PDE1A: variants seen among roughly 807,000 people sequenced by gnomAD.
The protein encoded by PDE1A is dual specificity calcium/calmodulin-dependent 3',5'-cyclic nucleotide phosphodiesterase 1A.
PDE1A carries 35 observed loss-of-function variants against 61.7 expected under a neutral mutation model. The observed-to-expected ratio is 0.57, with a 90% CI of 0.43 to 0.75. The LOEUF is 0.75. PDE1A is among the 30% of genes least tolerant of loss of function. The probability of loss-of-function intolerance (pLI) is 0.00; values close to 1 mark genes in which losing one functional copy is unlikely to be tolerated. For missense variants in PDE1A, 597 were observed against 630.6 expected (o/e 0.95, Z 0.57); for synonymous variants, 232 against 213.2 (o/e 1.09, Z -0.77).
chr2:182,568,098 C>A, the PDE1A span, among the ~76,000 whole-genome samples: 1 of 152,030 alleles, frequency 6.6e-6, no homozygotes, highest in South Asian at 2.1e-4. Flanking sequence ...TGCGCCCGCG[C>A]CCGGCAATGT....
chr2:182,639,355 G>A, the PDE1A span, among the ~76,000 whole-genome samples: 1 of 152,250 alleles, frequency 6.6e-6, no homozygotes, highest in Non-Finnish European at 1.5e-5. Flanking sequence ...ATCTCTTGAA[G>A]CCAGGAGTTC....
At chr2:182,154,555 C>T (rs971304973) in intron 13 of PDE1A, among the ~76,000 whole-genome samples, 1 of 152,068 alleles carries the variant, frequency 6.6e-6, no homozygotes, top group Admixed American at 6.6e-5. Context: ...ACTGTTCTCA[C>T]GGTAGTGAAT....
the PDE1A span, among the ~76,000 whole-genome samples, chr2:182,546,960 A>G: frequency 2.0e-5 from 3 of 152,334 alleles, no homozygotes; most frequent in East Asian, 5.8e-4. Context: ...TATTTCATCA[A>G]AACAGTTACT....
chr2:182,465,588 G>T (rs1686605476), intron 2 of PDE1A, among the ~76,000 whole-genome samples: 1 of 152,020 alleles, frequency 6.6e-6, no homozygotes, highest in South Asian at 2.1e-4. Context: ...TATAATGTTT[G>T]AGAGTAGCAC....
the PDE1A span, among the ~76,000 whole-genome samples, chr2:182,657,067 G>A: frequency 6.6e-6 from 1 of 151,996 alleles, no homozygotes; most frequent in Non-Finnish European, 1.5e-5. Flanking sequence ...TACTAAAAAT[G>A]CAAAAATTAG....
At chr2:182,203,321 A>G (rs1377286098) in intron 8 of PDE1A, among the ~76,000 whole-genome samples, 1 of 146,144 alleles carries the variant, frequency 6.8e-6, no homozygotes, top group African/African-American at 2.6e-5. Flanking sequence ...CTCCGTCTGA[A>G]AAAAAAACAA....
intron 10 of PDE1A, among the ~76,000 whole-genome samples, chr2:182,193,902 T>G (rs948834901): frequency 8.5e-5 from 13 of 152,154 alleles, no homozygotes; most frequent in African/African-American, 3.1e-4. Flanking sequence ...GTTTATGATT[T>G]TTTTGAAAAG....
the PDE1A span, among the ~76,000 whole-genome samples, chr2:182,627,943 C>CA: frequency 0.45 from 55,899 of 124,020 alleles, 12,401 homozygotes; most frequent in Admixed American, 0.6. Flanking sequence ...GACTCCATCT[C>CA]AAAAAAAAAA....
chr2:182,634,644 T>C, the PDE1A span, among the ~76,000 whole-genome samples: 3 of 152,196 alleles, frequency 2.0e-5, no homozygotes, highest in Non-Finnish European at 2.9e-5. Flanking sequence ...CGCCTTGAAA[T>C]GCAAAATCTT....
At chr2:182,595,532 T>C in the PDE1A span, among the ~76,000 whole-genome samples, 3 of 152,200 alleles carry the variant, frequency 2.0e-5, no homozygotes, top group East Asian at 1.9e-4. Flanking sequence ...GAAAATGAGA[T>C]AATATATGCT....
At chr2:182,148,735 C>T (rs1336912151) in intron 13 of PDE1A, among the ~76,000 whole-genome samples, 2 of 152,178 alleles carry the variant, frequency 1.3e-5, no homozygotes, top group African/African-American at 4.8e-5. Context: ...TCACCTGCCA[C>T]CATTTAACTC....
At chr2:182,282,031 C>T (rs1042590023) in intron 1 of PDE1A, among the ~76,000 whole-genome samples, 8 of 151,906 alleles carry the variant, frequency 5.3e-5, no homozygotes, top group Non-Finnish European at 8.8e-5. Flanking sequence ...CAATGTTACC[C>T]TTAATGATGT....
the PDE1A span, among the ~76,000 whole-genome samples, chr2:182,542,737 T>A: frequency 6.6e-6 from 1 of 152,332 alleles, no homozygotes; most frequent in East Asian, 1.9e-4. Flanking sequence ...AAATTTTTGG[T>A]TAAGATGTCC....
At chr2:182,221,756 G>T (rs1047144252) in intron 7 of PDE1A, among the ~76,000 whole-genome samples, 2 of 152,006 alleles carry the variant, frequency 1.3e-5, no homozygotes, top group African/African-American at 4.8e-5. Flanking sequence ...CTGGCTGTGG[G>T]AGCAGACTTA....
chr2:182,393,943 C>G (rs1272472820), intron 1 of PDE1A, among the ~76,000 whole-genome samples: 1 of 152,196 alleles, frequency 6.6e-6, no homozygotes, highest in Non-Finnish European at 1.5e-5. Flanking sequence ...AAGTTCCACA[C>G]TTTCCCACAT....
the PDE1A span, among the ~76,000 whole-genome samples, chr2:182,545,849 C>T: frequency 5.9e-5 from 9 of 152,180 alleles, no homozygotes; most frequent in East Asian, 1.7e-3. Flanking sequence ...ATATTTATTC[C>T]AAAATCTATT....
chr2:182,158,680 A>T (rs1237534194), intron 13 of PDE1A, among the ~76,000 whole-genome samples: 1 of 152,154 alleles, frequency 6.6e-6, no homozygotes, highest in Non-Finnish European at 1.5e-5. Flanking sequence ...GGCTTCCAAG[A>T]CCACTCACTA....
intron 1 of PDE1A, among the ~76,000 whole-genome samples, chr2:182,306,788 TATAGA>T (rs1281434140): frequency 4.6e-5 from 7 of 152,162 alleles, no homozygotes; most frequent in African/African-American, 4.8e-5. Context: ...TCTCACTCTT[TATAGA>T]ATAAACTCAA....
chr2:182,178,359 A>C (rs568042969), intron 13 of PDE1A, among the ~76,000 whole-genome samples: 1 of 152,234 alleles, frequency 6.6e-6, no homozygotes, highest in East Asian at 1.9e-4. Context: ...GTGCCATTCA[A>C]ATTGGAGGAG....
Sources: gnomAD v4.1 joint callset for allele counts (sites outside exome capture counted in the v4.1 genomes callset) on GRCh38, gnomAD v4.1.1 for gene constraint, MANE v1.5 for transcripts, NCBI Gene and HGNC (gene_info 2026-07-23, HGNC 2026-07-21) for gene names.